Variants in EXT1 observed in about 807,000 individuals in gnomAD.
EXT1 encodes exostosin glycosyltransferase 1.
Under a neutral mutation model 82.5 loss-of-function variants are expected in EXT1, and 20 were observed. The observed-to-expected ratio is 0.24, with a 90% confidence interval of 0.17 to 0.35. The LOEUF (loss-of-function observed/expected upper bound fraction) is 0.35. Among genes scored for constraint, EXT1 ranks in the 10% least tolerant of loss-of-function variants. The probability of loss-of-function intolerance (pLI) is 1.00; values close to 1 mark genes in which losing one functional copy is unlikely to be tolerated. For missense variants in EXT1, 757 were observed against 936.5 expected (o/e 0.81, Z 2.50); for synonymous variants, 348 against 350.8 (o/e 0.99, Z 0.09).
intron 1 of EXT1, among the ~76,000 whole-genome samples, chr8:118,083,709 A>C (rs1817371028): frequency 6.6e-6 from 1 of 152,174 alleles, no homozygotes; most frequent in African/African-American, 2.4e-5. Flanking sequence ...CTATTGACCA[A>C]GCTATTGGTC....
intron 1 of EXT1, among the ~76,000 whole-genome samples, chr8:117,884,773 G>C (rs192804888): frequency 8.5e-5 from 13 of 152,258 alleles, no homozygotes; most frequent in African/African-American, 2.9e-4. Flanking sequence ...TGTTGGGAAA[G>C]GGGTGGGTAT....
At chr8:118,107,124 G>A (rs1168386819) in intron 1 of EXT1, among the ~76,000 whole-genome samples, 1 of 151,978 alleles carries the variant, frequency 6.6e-6, no homozygotes, top group Non-Finnish European at 1.5e-5. Flanking sequence ...TTCACCAAAA[G>A]CAACCTTTTT....
intron 1 of EXT1, among the ~76,000 whole-genome samples, chr8:118,063,411 T>A (rs1207923777): frequency 6.6e-6 from 1 of 152,146 alleles, no homozygotes; most frequent in Non-Finnish European, 1.5e-5. Context: ...TTTTTCCACC[T>A]CCCACAAAAG....
intron 1 of EXT1, among the ~76,000 whole-genome samples, chr8:117,885,351 G>C (rs1419074748): frequency 6.6e-6 from 1 of 152,062 alleles, no homozygotes; most frequent in Admixed American, 6.6e-5. Context: ...AAATTTAACA[G>C]CAAAATCAAA....
chr8:118,011,637 G>A (rs577711623), intron 1 of EXT1, among the ~76,000 whole-genome samples: 3 of 152,044 alleles, frequency 2.0e-5, no homozygotes, highest in African/African-American at 7.2e-5. Context: ...ACCCAAAGTC[G>A]CATATGTGGA....
chr8:117,817,401 C>T (rs1418662018), intron 7 of EXT1, among the ~76,000 whole-genome samples: 1 of 152,114 alleles, frequency 6.6e-6, no homozygotes. Context: ...TCTCTTATGA[C>T]CTGACCCCTT....
intron 1 of EXT1, among the ~76,000 whole-genome samples, chr8:117,850,895 A>C (rs1311117174): frequency 6.6e-6 from 1 of 152,202 alleles, no homozygotes; most frequent in African/African-American, 2.4e-5. Flanking sequence ...GTGTCAGGAC[A>C]CAATATTATC....
intron 1 of EXT1, among the ~76,000 whole-genome samples, chr8:117,975,328 C>G (rs1238085401): frequency 3.3e-5 from 5 of 152,082 alleles, no homozygotes; most frequent in African/African-American, 1.2e-4. Flanking sequence ...CCAAAAGAGG[C>G]ATTCCAGAAA....
chr8:118,097,069 C>T (rs1817632644), intron 1 of EXT1, among the ~76,000 whole-genome samples: 1 of 152,032 alleles, frequency 6.6e-6, no homozygotes, highest in Non-Finnish European at 1.5e-5. Flanking sequence ...CTTTCTTTCC[C>T]TCCATATTTA....
At chr8:117,864,193 A>G (rs1275577268) in intron 1 of EXT1, among the ~76,000 whole-genome samples, 1 of 152,244 alleles carries the variant, frequency 6.6e-6, no homozygotes, top group African/African-American at 2.4e-5. Flanking sequence ...CACAAAAATC[A>G]GAAAAATTTT....
intron 4 of EXT1, among the ~76,000 whole-genome samples, chr8:117,828,462 T>C (rs972100890): frequency 6.6e-6 from 1 of 151,702 alleles, no homozygotes. Flanking sequence ...GGTGGGAGGA[T>C]TGCTTAAGGT....
At chr8:117,882,227 T>A (rs1258011006) in intron 1 of EXT1, among the ~76,000 whole-genome samples, 2 of 152,150 alleles carry the variant, frequency 1.3e-5, no homozygotes, top group African/African-American at 2.4e-5. Flanking sequence ...ACTACAGGCA[T>A]GCACCACCAT....
chr8:117,794,870 T>A lies in EXT1; in HGVS notation c.*4842A>T, dbSNP rs1399188257. On this transcript the variant is annotated 3_prime_UTR_variant, in exon 11 of 11. Transcript: ENST00000378204. ...GTTACAATTTGCCACCTAAAATAGT[T>A]CCAGTTTTTGATGTCTTTCTTTCTG... 1 of 152,210 alleles carries A rather than the reference T, an allele frequency of 6.6e-6. No individual in the cohort carries two copies. Among genetic ancestry groups the A allele is most frequent in the Non-Finnish European group, 1.5e-5 (1 of 68,054 alleles). The allele number at this position is 152,210 out of a possible 1,614,324, so 9.4% of individuals were successfully genotyped here. A position where few individuals can be genotyped will look rare whatever the true frequency, so the allele number is the denominator to read the frequency against.
chr8:117,849,163 C>T (rs977075495), intron 1 of EXT1, among the ~76,000 whole-genome samples: 2 of 152,196 alleles, frequency 1.3e-5, no homozygotes, highest in African/African-American at 4.8e-5. Flanking sequence ...CAAATAGCCC[C>T]TTCTCAGAGA....
At chr8:117,830,426 G>A (rs1245690533) in intron 3 of EXT1, 77 bp from the exon 4 acceptor site, 5 of 1,544,388 alleles carry the variant, frequency 3.2e-6, no homozygotes, top group South Asian at 1.2e-5. Flanking sequence ...ACCCAACTGG[G>A]TTAGGCTTTT....
At chr8:117,873,887 G>C (rs1289040233) in intron 1 of EXT1, among the ~76,000 whole-genome samples, 3 of 152,162 alleles carry the variant, frequency 2.0e-5, no homozygotes, top group Admixed American at 2.0e-4. Flanking sequence ...TTTCTAGTTT[G>C]TTTGTTTAAA....
intron 1 of EXT1, among the ~76,000 whole-genome samples, chr8:117,935,789 C>A (rs1814148540): frequency 6.6e-6 from 1 of 152,008 alleles, no homozygotes; most frequent in South Asian, 2.1e-4. Context: ...GTAATAGTCT[C>A]AACACAGACA....
chr8:118,032,751 C>T (rs140582960), intron 1 of EXT1, among the ~76,000 whole-genome samples: 1 of 152,068 alleles, frequency 6.6e-6, no homozygotes, highest in Non-Finnish European at 1.5e-5. Context: ...CTCAGGTGAT[C>T]TGCCCGCCTC....
intron 1 of EXT1, among the ~76,000 whole-genome samples, chr8:117,918,758 G>A (rs1813800664): frequency 6.6e-6 from 1 of 152,188 alleles, no homozygotes; most frequent in Non-Finnish European, 1.5e-5. Flanking sequence ...CCCAGCAGAT[G>A]CCACATGGAA....
Sources: gnomAD v4.1 joint callset for allele counts (sites outside exome capture counted in the v4.1 genomes callset) on GRCh38, gnomAD v4.1.1 for gene constraint, MANE v1.5 for transcripts, NCBI Gene and HGNC (gene_info 2026-07-23, HGNC 2026-07-21) for gene names.